CFAP299: variants seen among roughly 807,000 people sequenced by gnomAD.
CFAP299 encodes the protein cilia and flagella associated protein 299, also known as cilia- and flagella-associated protein 299.
A neutral mutation model predicts 27.0 loss-of-function variants in CFAP299; 21 were observed. That is an observed-to-expected ratio of 0.78 (90% CI 0.55 to 1.12). The LOEUF (loss-of-function observed/expected upper bound fraction) is 1.12, where lower values mean the gene tolerates loss of function less well. Ranked by LOEUF, CFAP299 falls within the 50% of genes most tolerant of loss-of-function variation. CFAP299 has a pLI of 0.00. For missense variants in CFAP299, 310 were observed against 276.6 expected (o/e 1.12, Z -0.86); for synonymous variants, 104 against 98.1 (o/e 1.06, Z -0.36).
chr4:80,872,837 G>T (rs763970779), intron 4 of CFAP299: 35 of 894,934 alleles, frequency 3.9e-5, no homozygotes, highest in Non-Finnish European at 4.3e-5. Context: ...TATAAGATTC[G>T]TTTTATTTAT....
intron 3 of CFAP299, among the ~76,000 whole-genome samples, chr4:80,834,658 T>C (rs1188030862): frequency 2.6e-5 from 4 of 152,222 alleles, no homozygotes; most frequent in Non-Finnish European, 5.9e-5. Flanking sequence ...ATTTAGAATG[T>C]AAGTGTAATT....
intron 3 of CFAP299, among the ~76,000 whole-genome samples, chr4:80,673,298 G>A (rs58213480): frequency 0.076 from 11,515 of 152,182 alleles, 656 homozygotes; most frequent in East Asian, 0.22. Context: ...AGGTTGTTCA[G>A]TTTCCATGTA....
At chr4:80,618,900 A>G (rs1411285260) in intron 3 of CFAP299, among the ~76,000 whole-genome samples, 5 of 152,076 alleles carry the variant, frequency 3.3e-5, no homozygotes, top group Non-Finnish European at 7.4e-5. Flanking sequence ...AATAGAAATA[A>G]AATAAAAACT....
intron 3 of CFAP299, among the ~76,000 whole-genome samples, chr4:80,589,367 A>G (rs776828028): frequency 1.3e-5 from 2 of 152,202 alleles, no homozygotes; most frequent in Non-Finnish European, 2.9e-5. Context: ...TATTACTTCC[A>G]TGTGATTAGT....
chr4:80,495,425 G>T (rs1222016105), intron 2 of CFAP299, among the ~76,000 whole-genome samples: 1 of 152,114 alleles, frequency 6.6e-6, no homozygotes, highest in Non-Finnish European at 1.5e-5. Context: ...AGAATTATAT[G>T]TACCCATTTT....
intron 3 of CFAP299, among the ~76,000 whole-genome samples, chr4:80,753,454 G>A (rs1307249360): frequency 6.6e-6 from 1 of 152,042 alleles, no homozygotes; most frequent in Non-Finnish European, 1.5e-5. Context: ...GTTTGTATAT[G>A]ATATTGGTTT....
intron 4 of CFAP299, among the ~76,000 whole-genome samples, chr4:80,919,421 T>G (rs1735928537): frequency 6.6e-6 from 1 of 152,174 alleles, no homozygotes; most frequent in Non-Finnish European, 1.5e-5. Context: ...AGAAATGCAG[T>G]CATCTGCACA....
At chr4:80,859,679 G>C (rs1400964757) in intron 3 of CFAP299, among the ~76,000 whole-genome samples, 2 of 151,958 alleles carry the variant, frequency 1.3e-5, no homozygotes, top group Non-Finnish European at 2.9e-5. Flanking sequence ...AGCTTAGTTT[G>C]GCTGGATATG....
intron 2 of CFAP299, among the ~76,000 whole-genome samples, chr4:80,454,185 G>A (rs1439445857): frequency 1.3e-5 from 2 of 152,086 alleles, no homozygotes; most frequent in Non-Finnish European, 2.9e-5. Context: ...CCAGAGTCTG[G>A]GAGGAGGTGA....
chr4:80,744,832 A>G (rs752716725), intron 3 of CFAP299, among the ~76,000 whole-genome samples: 5 of 152,248 alleles, frequency 3.3e-5, no homozygotes, highest in Non-Finnish European at 5.9e-5. Context: ...TGTTATGCAA[A>G]ATGATATTTA....
chr4:80,915,035 A>G (rs1032072303), intron 4 of CFAP299, among the ~76,000 whole-genome samples: 3 of 151,652 alleles, frequency 2.0e-5, no homozygotes, highest in South Asian at 2.1e-4. Flanking sequence ...CATTTTTCCT[A>G]ATATGAGAAT....
intron 2 of CFAP299, among the ~76,000 whole-genome samples, chr4:80,542,809 A>G (rs1220739915): frequency 1.3e-5 from 2 of 151,982 alleles, no homozygotes; most frequent in African/African-American, 4.8e-5. Flanking sequence ...TCCTGCCAGA[A>G]TGTTTGCGTG....
chr4:80,901,044 A>G (rs1469925868), intron 4 of CFAP299, among the ~76,000 whole-genome samples: 1 of 152,074 alleles, frequency 6.6e-6, no homozygotes, highest in Non-Finnish European at 1.5e-5. Context: ...GAAGATGAGT[A>G]AAAAAGGAAT....
At position 80,422,454 on chromosome 4, in the gene CFAP299, C is replaced by T. The variant is rs188381051; in HGVS notation, c.242+59570C>T. ...TGCATCTGCTACTACGCCCATAGGC[C>T]GACCCTAAGTTCCTGACAGATGAGA... On this transcript the variant is annotated intron_variant, in intron 2 of 5. Coordinates refer to ENST00000358105, the MANE Select transcript of CFAP299 (RefSeq NM_152770.3). Among the ~76,000 whole-genome samples, 7 of 152,124 alleles carry T rather than the reference C, an allele frequency of 4.6e-5. 1 individual carries two copies. Among genetic ancestry groups the T allele is most frequent in the Admixed American group, 2.0e-4 (3 of 15,274 alleles).
Position 80,398,832 on chromosome 4 carries a change from T to A in CFAP299, c.242+35948T>A, listed in dbSNP as rs577188036. Among the ~76,000 whole-genome samples the A allele has an allele frequency of 5.5e-4, 84 of 151,996 alleles. 1 individual carries two copies. Among genetic ancestry groups the A allele is most frequent in the African/African-American group, 2.0e-3 (81 of 41,456 alleles). ...AAGCAATGACAACAAAAGCCAAAAT[T>A]GACAAATGGGATCTAATGAAACGAA... is the stretch of plus-strand genomic sequence containing the variant. On this transcript the variant is annotated intron_variant, in intron 2 of 5. Coordinates refer to ENST00000358105, the MANE Select transcript of CFAP299 (RefSeq NM_152770.3).
rs562466577 is a variant in CFAP299, at chr4:80,781,605, A to G, written c.334-88388A>G. 1.1e-4 allele frequency among the ~76,000 whole-genome samples: 17 copies of G among 152,194 alleles called. No individual in the cohort carries two copies. The East Asian group carries it at 3.3e-3, about 29-fold the overall frequency. On this transcript the variant is annotated intron_variant, in intron 3 of 5. Transcript: ENST00000358105. ...ATGATTAAATGTCATTGTTCATGCA[A>G]TAAATATACGGGAAGGTTTCACTAA...
chr4:80,530,959 G>A (rs892845590), intron 2 of CFAP299, among the ~76,000 whole-genome samples: 1 of 152,166 alleles, frequency 6.6e-6, no homozygotes, highest in African/African-American at 2.4e-5. Context: ...GGCCTCGTAT[G>A]TCAATATACA....
intron 2 of CFAP299, among the ~76,000 whole-genome samples, chr4:80,487,299 C>T (rs1269020833): frequency 6.6e-6 from 1 of 152,170 alleles, no homozygotes; most frequent in Non-Finnish European, 1.5e-5. Context: ...AAGTATGTAG[C>T]ACTGTATCAC....
At chr4:80,485,283 A>G (rs1476966979) in intron 2 of CFAP299, among the ~76,000 whole-genome samples, 1 of 149,630 alleles carries the variant, frequency 6.7e-6, no homozygotes, top group Non-Finnish European at 1.5e-5. Flanking sequence ...TTATATATAT[A>G]TAAAACAAAT....
Sources: allele counts gnomAD v4.1 joint callset (sites outside exome capture counted in the v4.1 genomes callset), GRCh38; gene constraint gnomAD v4.1.1; transcripts MANE v1.5; gene names NCBI Gene and HGNC (gene_info 2026-07-23, HGNC 2026-07-21).